Variants in CACNB2 observed in about 807,000 individuals in gnomAD.
The protein encoded by CACNB2 is calcium voltage-gated channel auxiliary subunit beta 2, also known as voltage-dependent L-type calcium channel subunit beta-2.
In CACNB2, 42 loss-of-function variants were observed where a neutral mutation model predicts 73.3. The ratio of observed to expected loss-of-function variants is 0.57; its 90% CI spans 0.45 to 0.74. The LOEUF (loss-of-function observed/expected upper bound fraction) is 0.74, where lower values mean the gene tolerates loss of function less well. Among genes scored for constraint, CACNB2 ranks in the 30% least tolerant of loss-of-function variants. The pLI is 0.00. For synonymous variants in CACNB2, 348 were observed against 310.3 expected (o/e 1.12, Z -1.28); for missense variants, 940 against 853.0 (o/e 1.10, Z -1.27).
At chr10:18,525,209 C>T (rs1329900145) in intron 9 of CACNB2, among the ~76,000 whole-genome samples, 1 of 151,822 alleles carries the variant, frequency 6.6e-6, no homozygotes, top group Non-Finnish European at 1.5e-5. Context: ...CATTCTGGAA[C>T]ATTCCGTGTT....
In CACNB2 at chr10:18,330,989, C is replaced by T. The variant is rs372146948; in HGVS notation, c.214-70935C>T. Among the ~76,000 whole-genome samples, 75 of 138,934 alleles carry T rather than the reference C, an allele frequency of 5.4e-4. No individual in the cohort carries two copies. The East Asian group carries it at 0.012, about 21-fold the overall frequency. 91.1% of individuals were successfully genotyped at this position (138,934 alleles called of 152,430 possible). A position where few individuals can be genotyped will look rare whatever the true frequency, so the allele number is the denominator to read the frequency against. On this transcript the variant is annotated intron_variant, in intron 2 of 13. Coordinates refer to ENST00000324631, the MANE Select transcript of CACNB2 (RefSeq NM_201596.3). The stretch of plus-strand genomic sequence containing the variant: ...GCCTTTTTATCTTCTGCACCATGCC[C>T]GGCCTTTTTTTTTTGGAAACCGAGT...
intron 2 of CACNB2, among the ~76,000 whole-genome samples, chr10:18,189,199 C>T (rs1326550944): frequency 6.6e-6 from 1 of 152,106 alleles, no homozygotes; most frequent in Non-Finnish European, 1.5e-5. Context: ...CTTTTACAGA[C>T]TTCTAATTTC....
chr10:18,449,339 C>G (rs1353459224), intron 3 of CACNB2, among the ~76,000 whole-genome samples: 2 of 151,952 alleles, frequency 1.3e-5, no homozygotes, highest in Non-Finnish European at 2.9e-5. Flanking sequence ...GAGCCGAGAT[C>G]GCGCCACTGC....
chr10:18,331,655 G>A (rs2040812694), intron 2 of CACNB2, among the ~76,000 whole-genome samples: 1 of 152,054 alleles, frequency 6.6e-6, no homozygotes, highest in Admixed American at 6.6e-5. Flanking sequence ...TAAGTCACTA[G>A]CCTCCCTCTA....
At chr10:18,142,231 A>G (rs373399562) in intron 1 of CACNB2, among the ~76,000 whole-genome samples, 1 of 152,218 alleles carries the variant, frequency 6.6e-6, no homozygotes, top group African/African-American at 2.4e-5. Context: ...TTGACTTGAG[A>G]AGGGGAAGAA....
chr10:18,352,628 A>C (rs371102523), intron 2 of CACNB2, among the ~76,000 whole-genome samples: 78 of 152,338 alleles, frequency 5.1e-4, no homozygotes, highest in African/African-American at 1.8e-3. Context: ...ATTTTTCAAA[A>C]GTGCGTACTT....
chr10:18,423,144 C>CCTGTTTTAG (rs1483776511), intron 3 of CACNB2, among the ~76,000 whole-genome samples: 3 of 151,630 alleles, frequency 2.0e-5, no homozygotes, highest in Non-Finnish European at 2.9e-5. Flanking sequence ...CTTTATCTTA[C>CCTGTTTTAG]CTGTTTTATG....
intron 2 of CACNB2, among the ~76,000 whole-genome samples, chr10:18,163,574 C>T (rs775872198): frequency 2.0e-5 from 3 of 152,012 alleles, no homozygotes; most frequent in Non-Finnish European, 2.9e-5. Context: ...CAGGCAGGGC[C>T]GCAACACTGA....
intron 2 of CACNB2, among the ~76,000 whole-genome samples, chr10:18,395,600 G>T (rs989008738): frequency 1.3e-5 from 2 of 152,134 alleles, no homozygotes; most frequent in African/African-American, 4.8e-5. Context: ...TTGGGGAGTT[G>T]TTAAATAAAA....
At chr10:18,340,654 A>C (rs2041193595) in intron 2 of CACNB2, 2 of 1,351,720 alleles carry the variant, frequency 1.5e-6, no homozygotes, top group Non-Finnish European at 1.9e-6. Flanking sequence ...TTCAGAGGAG[A>C]ATAAGACCCT....
rs369813065 is a variant in CACNB2, at chr10:18,538,956, T to TAAAAG, written c.1489-271_1489-267dup. The stretch of plus-strand genomic sequence containing the variant: ...TGTATTTGAGCCACAGGAGAATAAA[T>TAAAAG]AAAAGAACATTTTCCCTGCTGCTGC... On this transcript the variant is annotated intron_variant, in intron 13 of 13. Coordinates refer to ENST00000324631, the MANE Select transcript of CACNB2 (RefSeq NM_201596.3). Among the ~76,000 whole-genome samples, 878 of 149,986 alleles carry TAAAAG rather than the reference T, an allele frequency of 5.9e-3. 4 individuals carry two copies. Among genetic ancestry groups the TAAAAG allele is most frequent in the African/African-American group, 0.018 (754 of 40,956 alleles).
At chr10:18,200,074 T>G (rs1368630798) in intron 2 of CACNB2, among the ~76,000 whole-genome samples, 4 of 151,928 alleles carry the variant, frequency 2.6e-5, no homozygotes, top group Admixed American at 2.6e-4. Flanking sequence ...GTTTTTGTTT[T>G]TAAAAATCAA....
At chr10:18,156,776 C>G (rs1196998902) in intron 2 of CACNB2, among the ~76,000 whole-genome samples, 1 of 151,952 alleles carries the variant, frequency 6.6e-6, no homozygotes, top group Non-Finnish European at 1.5e-5. Flanking sequence ...CACCTGTAAT[C>G]TCAGCACTTT....
At chr10:18,249,463 C>A (rs1326123139) in intron 2 of CACNB2, among the ~76,000 whole-genome samples, 1 of 152,142 alleles carries the variant, frequency 6.6e-6, no homozygotes, top group African/African-American at 2.4e-5. Flanking sequence ...TTAAGAAAAT[C>A]TCCTTGAAAA....
At chr10:18,226,195 T>G (rs2035987045) in intron 2 of CACNB2, among the ~76,000 whole-genome samples, 1 of 151,866 alleles carries the variant, frequency 6.6e-6, no homozygotes, top group South Asian at 2.1e-4. Context: ...CCTGGCTAAT[T>G]TTTGTATTTT....
chr10:18,406,896 C>T (rs2044317750), intron 3 of CACNB2, among the ~76,000 whole-genome samples: 1 of 151,826 alleles, frequency 6.6e-6, no homozygotes, highest in African/African-American at 2.4e-5. Flanking sequence ...CCTCCCAGGC[C>T]CTGGAATACA....
At chr10:18,337,311 AG>A (rs1274131852) in intron 2 of CACNB2, among the ~76,000 whole-genome samples, 1 of 152,058 alleles carries the variant, frequency 6.6e-6, no homozygotes, top group Non-Finnish European at 1.5e-5. Context: ...TTTATTGCCC[AG>A]GCTGGTCTTG....
chr10:18,462,662 A>C (rs780816125), intron 3 of CACNB2, among the ~76,000 whole-genome samples: 1 of 152,182 alleles, frequency 6.6e-6, no homozygotes, highest in Non-Finnish European at 1.5e-5. Flanking sequence ...TTTTGCTTTC[A>C]GTATTTTTAG....
chr10:18,421,240 T>TCC (rs2045304340), intron 3 of CACNB2, among the ~76,000 whole-genome samples: 2 of 126,622 alleles, frequency 1.6e-5, no homozygotes, highest in Admixed American at 7.7e-5. Context: ...TTTTTTTTTT[T>TCC]GTTTCCTTGG....
Sources: allele counts gnomAD v4.1 joint callset (sites outside exome capture counted in the v4.1 genomes callset), GRCh38; gene constraint gnomAD v4.1.1; transcripts MANE v1.5; gene names NCBI Gene and HGNC (gene_info 2026-07-23, HGNC 2026-07-21).